The following MKNK2 variants were observed in gnomAD, a reference collection of about 807,000 sequenced individuals.
MKNK2 encodes MAP kinase-interacting serine/threonine-protein kinase 2.
In MKNK2, 54 loss-of-function variants were observed where a neutral mutation model predicts 55.0. That is an observed-to-expected ratio of 0.98 (90% CI 0.79 to 1.23). MKNK2 has a LOEUF of 1.23. Ranked by LOEUF, MKNK2 falls within the 50% of genes most tolerant of loss-of-function variation. MKNK2 has a pLI of 0.00. For missense variants in MKNK2, 685 were observed against 632.1 expected (o/e 1.08, Z -0.90); for synonymous variants, 323 against 256.0 (o/e 1.26, Z -2.50).
intron 2 of MKNK2, among the ~76,000 whole-genome samples, chr19:2,048,392 G>A (rs1476859004): frequency 2.0e-5 from 3 of 152,172 alleles, no homozygotes; most frequent in Admixed American, 1.3e-4. Context: ...AGGGACTGCC[G>A]GCCCTTTACG....
At chr19:2,044,658 A>G (rs1312361052) in intron 5 of MKNK2, among the ~76,000 whole-genome samples, 1 of 152,200 alleles carries the variant, frequency 6.6e-6, no homozygotes, top group East Asian at 1.9e-4. Flanking sequence ...CTGCAGTCCC[A>G]TGTCTATACT....
At position 2,039,852 on chromosome 19, in the gene MKNK2, T is replaced by C; in HGVS notation, c.1159A>G (p.Ser387Gly). ...LPTPMVLQRNSCAKDLTSFAA... is the reference protein window; with the variant it reads ...LPTPMVLQRNGCAKDLTSFAA... ...AAGGACGTGAGGTCTTTGGCACAGC[T>C]GTTCCTGGGAAACGGGGTGGGGGTA... The change falls in exon 14 of 14, where the codon AGC (serine) becomes GGC (glycine). Residue 387 changes from serine (S) to glycine (G), a missense_variant. Transcript: ENST00000250896. 6.3e-7 allele frequency: 1 copy of C among 1,591,568 alleles called. No homozygotes were observed. The highest frequency in any genetic ancestry group is 8.5e-7 in the Non-Finnish European group (1 of 1,171,080).
chr19:2,043,345 C>T (rs1299841770), intron 6 of MKNK2, 148 bp from the exon 7 acceptor site: 16 of 1,002,786 alleles, frequency 1.6e-5, no homozygotes, highest in East Asian at 9.8e-5. Flanking sequence ...TCACACTGCC[C>T]GCCTGGGGCT....
rs2017011295 is a variant in MKNK2, at chr19:2,046,798, C to A, written c.52-107G>T. 2.9e-5 allele frequency: 25 copies of A among 863,856 alleles called. 3 individuals are homozygous for A. The South Asian group carries it at 5.0e-4, about 17-fold the overall frequency. 53.5% of individuals were successfully genotyped at this position (863,856 alleles called of 1,614,324 possible). A position where few individuals can be genotyped will look rare whatever the true frequency, so the allele number is the denominator to read the frequency against. Reference sequence around the variant, plus strand: ...AGCGTCCACACTGACAAGCCCTGCGCTGAGCATTACGGAAAAATCAACTCC... The same window carrying A: ...AGCGTCCACACTGACAAGCCCTGCGATGAGCATTACGGAAAAATCAACTCC... On this transcript the variant is annotated intron_variant, in intron 2 of 13. Transcript: ENST00000250896.
At position 2,037,484 on chromosome 19, in the gene MKNK2, C is replaced by A; in HGVS notation, c.*2129G>T. ...CTCAGGCACACAGCAAGTTTTTTGACTTTTATTAAATCTTTACAAAACAGA... is the reference window on the plus strand; with the variant it reads ...CTCAGGCACACAGCAAGTTTTTTGAATTTTATTAAATCTTTACAAAACAGA... On this transcript the variant is annotated 3_prime_UTR_variant, in exon 14 of 14. Coordinates refer to ENST00000250896, the MANE Select transcript of MKNK2 (RefSeq NM_199054.3). 3.3e-6 allele frequency: 1 copy of A among 306,786 alleles called. No homozygotes were observed. The highest frequency in any genetic ancestry group is 5.9e-6 in the Non-Finnish European group (1 of 168,110). 19.0% of individuals were successfully genotyped at this position (306,786 alleles called of 1,614,324 possible).
chr19:2,044,354 C>T (rs552845700), intron 5 of MKNK2, among the ~76,000 whole-genome samples: 49 of 152,374 alleles, frequency 3.2e-4, no homozygotes, highest in Admixed American at 1.2e-3. Context: ...TTGGCTGTCC[C>T]AGCCACTGGC....
In MKNK2 at chr19:2,038,031, A is replaced by G. The variant is rs1053204829; in HGVS notation, c.*1582T>C. 2.3e-6 allele frequency: 3 copies of G among 1,285,336 alleles called. No individual in the cohort carries two copies. Among genetic ancestry groups the G allele is most frequent in the Admixed American group, 3.3e-5 (1 of 30,178 alleles). 79.6% of individuals were successfully genotyped at this position (1,285,336 alleles called of 1,614,324 possible). On this transcript the variant is annotated 3_prime_UTR_variant, in exon 14 of 14. Coordinates refer to ENST00000250896, the MANE Select transcript of MKNK2 (RefSeq NM_199054.3). ...GGGAAAGGGGTGGGCGGAATGCCCC[A>G]CCCCCCCCAGGGGTCTTTGGAAGGG...
intron 5 of MKNK2, 23 bp from the exon 6 acceptor site, chr19:2,043,605 G>A: frequency 1.2e-6 from 2 of 1,611,262 alleles, no homozygotes; most frequent in East Asian, 4.5e-5. Flanking sequence ...AAAGGACACA[G>A]CACCTGGGTT....
chr19:2,043,728 C>A (rs963697829), intron 5 of MKNK2, 146 bp from the exon 6 acceptor site: 3 of 761,880 alleles, frequency 3.9e-6, no homozygotes, highest in South Asian at 1.6e-5. Context: ...GTCATCCCAG[C>A]ACTTTGGGAG....
chr19:2,040,283 A>T (rs952733668), intron 12 of MKNK2, 106 bp from the exon 13 acceptor site: 2 of 1,023,280 alleles, frequency 2.0e-6, no homozygotes, highest in South Asian at 3.4e-5. Context: ...CATCACCAGG[A>T]CCCCACCGGA....
intron 12 of MKNK2, 32 bp downstream of exon 12, chr19:2,041,008 C>G (rs778860610): frequency 1.2e-6 from 2 of 1,611,714 alleles, no homozygotes; most frequent in Non-Finnish European, 1.7e-6. Context: ...CGCCCCCATA[C>G]CCCTCCTGCC....
Position 2,038,148 on chromosome 19 carries a change from C to T in MKNK2, c.*1465G>A, listed in dbSNP as rs1457086966. The T allele has an allele frequency of 3.8e-6, 4 of 1,050,632 alleles. No individual in the cohort carries two copies. In the East Asian group the frequency reaches 2.1e-4, roughly 54 times the overall value. The allele number at this position is 1,050,632 out of a possible 1,614,324, so 65.1% of individuals were successfully genotyped here. On this transcript the variant is annotated 3_prime_UTR_variant, in exon 14 of 14. Coordinates refer to ENST00000250896, the MANE Select transcript of MKNK2 (RefSeq NM_199054.3). ...ACCATCATACGAGATTCAGGAGGGG[C>T]AGCAGGGCCAGGCAGACGGTCTCCG...
At chr19:2,043,374 G>A in intron 6 of MKNK2, 129 bp downstream of exon 6, 3 of 1,054,542 alleles carry the variant, frequency 2.8e-6, no homozygotes, top group South Asian at 1.3e-5. Context: ...GCCTGCTTCA[G>A]GGAGGGGAAT....
At chr19:2,043,282 C>T in intron 6 of MKNK2, 85 bp from the exon 7 acceptor site, 2 of 1,191,966 alleles carry the variant, frequency 1.7e-6, no homozygotes, top group Non-Finnish European at 2.5e-6. Context: ...GGGGCCCACC[C>T]TCTTGGTGCT....
At chr19:2,042,367 C>T in intron 10 of MKNK2, 60 bp downstream of exon 10, 1 of 1,450,728 alleles carries the variant, frequency 6.9e-7, no homozygotes, top group Non-Finnish European at 9.4e-7. Context: ...CCAGGCTCCG[C>T]GAGGTTATGC....
At chr19:2,043,223 G>C in intron 6 of MKNK2, 26 bp from the exon 7 acceptor site, 1 of 1,575,752 alleles carries the variant, frequency 6.3e-7, no homozygotes, top group African/African-American at 1.3e-5. Context: ...GGGCAGGAGA[G>C]GAGCTGAGGC....
chr19:2,037,851 CAAA>C lies in MKNK2; in HGVS notation c.*1759_*1761del. The C allele has an allele frequency of 1.4e-6, 2 of 1,456,334 alleles. No homozygotes were observed. Among genetic ancestry groups the C allele is most frequent in the African/African-American group, 3.2e-5 (2 of 63,400 alleles). 90.2% of individuals were successfully genotyped at this position (1,456,334 alleles called of 1,614,324 possible). A position where few individuals can be genotyped will look rare whatever the true frequency, so the allele number is the denominator to read the frequency against. ...CCACCTTCAGAAAAAAAAAAAAAAA[CAAA>C]CAAACAAACGCTGCTAGCCACTCAG... On this transcript the variant is annotated 3_prime_UTR_variant, in exon 14 of 14. Transcript: ENST00000250896.
chr19:2,040,291 G>A (rs547042993), intron 12 of MKNK2, 114 bp from the exon 13 acceptor site: 16 of 940,560 alleles, frequency 1.7e-5, no homozygotes, highest in South Asian at 1.0e-4. Context: ...GGACCCCACC[G>A]GAGACCAGGA....
At chr19:2,040,461 G>A (rs116930974) in intron 12 of MKNK2, 5,314 of 449,514 alleles carry the variant, frequency 0.012, 43 homozygotes, top group Non-Finnish European at 0.018. Flanking sequence ...CATCTCTCCC[G>A]GCTGTTCCCA....
Sources: allele counts gnomAD v4.1 joint callset (sites outside exome capture counted in the v4.1 genomes callset), GRCh38; gene constraint gnomAD v4.1.1; transcripts MANE v1.5; gene names NCBI Gene and HGNC (gene_info 2026-07-23, HGNC 2026-07-21).